NAT10: variants seen among roughly 807,000 people sequenced by gnomAD.
NAT10 encodes the protein RNA cytidine acetyltransferase.
In NAT10, 109 loss-of-function variants were observed where a neutral mutation model predicts 132.2. The ratio of observed to expected loss-of-function variants is 0.82; its 90% CI spans 0.71 to 0.97. The LOEUF (loss-of-function observed/expected upper bound fraction) is 0.97, where lower values mean the gene tolerates loss of function less well. NAT10 is among the 50% of genes least tolerant of loss of function. The pLI, the probability that NAT10 is intolerant of heterozygous loss-of-function variation, is 0.00. For missense variants in NAT10, 1,184 were observed against 1,263.4 expected, an observed-to-expected ratio of 0.94 and a Z score of 0.95; for synonymous variants, 479 against 478.0, an observed-to-expected ratio of 1.00 and a Z score of -0.03.
intron 18 of NAT10, 57 bp from the exon 19 acceptor site, chr11:34,135,118 C>T (rs1228090996): frequency 7.1e-7 from 1 of 1,417,142 alleles, no homozygotes; most frequent in Non-Finnish European, 9.9e-7. Context: ...GTCACTGTGG[C>T]TTAGACTGAG....
rs745936858 is a variant in NAT10, at chr11:34,132,258, G to C, written c.1617+37G>C. 6 of 1,526,102 alleles carry C rather than the reference G, an allele frequency of 3.9e-6. No homozygotes were observed. In the African/African-American group the frequency reaches 8.2e-5, roughly 21 times the overall value. 94.5% of individuals were successfully genotyped at this position (1,526,102 alleles called of 1,614,324 possible). On this transcript the variant is annotated intron_variant, in intron 15 of 28. Coordinates refer to ENST00000257829, the MANE Select transcript of NAT10 (RefSeq NM_024662.3). ...TAGCCCTTGTGTGAATGGTAGCAGGGAGCTTCAGCATTTGGCAGTCCCCTT... is the reference window on the plus strand; with the variant it reads ...TAGCCCTTGTGTGAATGGTAGCAGGCAGCTTCAGCATTTGGCAGTCCCCTT...
Position 34,113,770 on chromosome 11 carries a change from G to T in NAT10, c.427G>T (p.Gly143Cys), listed in dbSNP as rs1851739198. Reference sequence around the variant, plus strand: ...GGCCAGGACTGTAGAAACAGTGGAAGGTGGTGGGCTAGTGGTCATCCTCCT... The same window carrying T: ...GGCCAGGACTGTAGAAACAGTGGAATGTGGTGGGCTAGTGGTCATCCTCCT... ...LLARTVETVE[G>C]GGLVVILLRT... The change falls in exon 5 of 29, where the codon GGT becomes TGT. Residue 143 changes from glycine (G) to cysteine (C), a missense_variant. Transcript: ENST00000257829. 1 of 1,614,148 alleles carries T rather than the reference G, an allele frequency of 6.2e-7. No homozygotes were observed.
At chr11:34,112,927 G>A (rs994790204) in intron 4 of NAT10, among the ~76,000 whole-genome samples, 1 of 152,158 alleles carries the variant, frequency 6.6e-6, no homozygotes, top group Non-Finnish European at 1.5e-5. Flanking sequence ...ACATTTTTGT[G>A]TGTTTATCAT....
Position 34,118,421 on chromosome 11 carries a change from T to A in NAT10, c.698T>A (p.Leu233Gln). Reference protein sequence around the residue: ...TPDESLGPSDLELRELKESLQ... With the variant: ...TPDESLGPSDQELRELKESLQ... ...GATGAGAGTCTTGGTCCTTCTGATC[T>A]GGAGCTGAGGGAGTTGAAGGAGAGC... is the stretch of plus-strand genomic sequence containing the variant. The change falls in exon 8 of 29, where the codon CTG (leucine) becomes CAG (glutamine). Residue 233 changes from leucine to glutamine, a missense_variant. Transcript: ENST00000257829. The A allele has an allele frequency of 6.2e-7, 1 of 1,614,150 alleles. No homozygotes were observed. The highest frequency in any genetic ancestry group is 8.5e-7 in the Non-Finnish European group (1 of 1,180,018).
chr11:34,142,428 T>C, intron 27 of NAT10, 80 bp downstream of exon 27: 1 of 1,237,058 alleles, frequency 8.1e-7, no homozygotes, highest in Non-Finnish European at 1.2e-6. Context: ...TCTAATCATA[T>C]CCCACGTGCC....
At chr11:34,144,931 T>G (rs550711494) in intron 28 of NAT10, among the ~76,000 whole-genome samples, 1 of 152,372 alleles carries the variant, frequency 6.6e-6, no homozygotes, top group Admixed American at 6.5e-5. Context: ...AATCAGGTAC[T>G]GTCTTCCAGA....
intron 1 of NAT10, among the ~76,000 whole-genome samples, chr11:34,107,472 CAAAAT>C (rs1424437250): frequency 6.6e-6 from 1 of 152,182 alleles, no homozygotes; most frequent in Non-Finnish European, 1.5e-5. Context: ...AACAAAAGAA[CAAAAT>C]AAAAGTCCCA....
intron 23 of NAT10, 116 bp downstream of exon 23, chr11:34,139,611 G>C: frequency 1.2e-6 from 1 of 863,954 alleles, no homozygotes; most frequent in Non-Finnish European, 1.9e-6. Context: ...CTAGCCTGCA[G>C]TCACTCGCTG....
At chr11:34,141,459 C>T (rs904428646) in intron 25 of NAT10, among the ~76,000 whole-genome samples, 13 of 151,534 alleles carry the variant, frequency 8.6e-5, no homozygotes, top group African/African-American at 1.7e-4. Context: ...CACGTGCGCG[C>T]GCAAATACAG....
At chr11:34,107,709 C>T (rs766444710) in intron 1 of NAT10, among the ~76,000 whole-genome samples, 4 of 152,134 alleles carry the variant, frequency 2.6e-5, no homozygotes, top group Non-Finnish European at 4.4e-5. Context: ...GGGCAGATTG[C>T]GAGGTCAAGA....
At chr11:34,133,586 A>G (rs1852147500) in intron 16 of NAT10, among the ~76,000 whole-genome samples, 1 of 152,142 alleles carries the variant, frequency 6.6e-6, no homozygotes, top group South Asian at 2.1e-4. Flanking sequence ...TGTATAAAAC[A>G]CTCATAATCT....
At position 34,140,443 on chromosome 11, in the gene NAT10, C is replaced by A; in HGVS notation, c.2463C>A (p.Asp821Glu). The change falls in exon 24 of 29, where the codon GAC becomes GAA. Residue 821 changes from aspartate (D) to glutamate (E), a missense_variant. Asp to Glu is a conservative substitution (Grantham distance 45, BLOSUM62 2). Transcript: ENST00000257829. ...TGGAAGCACTCTTCCTCCCCTATGA[C>A]CTGAAGCGGCTGGAGATGTATTCAC... is the stretch of plus-strand genomic sequence containing the variant. The part of the protein sequence containing the change: ...EELEALFLPY[D>E]LKRLEMYSRN... 1 of 1,614,208 alleles carries A rather than the reference C, an allele frequency of 6.2e-7. No individual in the cohort carries two copies. The highest frequency in any genetic ancestry group is 1.6e-4 in the Middle Eastern group (1 of 6,062).
At chr11:34,129,661 G>A (rs1361216849) in intron 12 of NAT10, among the ~76,000 whole-genome samples, 2 of 128,108 alleles carry the variant, frequency 1.6e-5, no homozygotes, top group Non-Finnish European at 3.1e-5. Flanking sequence ...AGGCTGGAGT[G>A]CAGTGGTGTA....
At chr11:34,109,165 CCTT>C (rs1851649994) in intron 3 of NAT10, among the ~76,000 whole-genome samples, 1 of 152,072 alleles carries the variant, frequency 6.6e-6, no homozygotes, top group South Asian at 2.1e-4. Flanking sequence ...CTTTTTCTCC[CCTT>C]CTTTCATGGA....
chr11:34,112,310 A>G (rs1851710235), intron 4 of NAT10, 87 bp downstream of exon 4: 5 of 1,493,168 alleles, frequency 3.3e-6, no homozygotes, highest in African/African-American at 1.4e-5. Context: ...ACAGATGTAC[A>G]GTAAGGAGAG....
chr11:34,123,923 A>T (rs1398571922), intron 10 of NAT10, 68 bp downstream of exon 10: 2 of 1,295,742 alleles, frequency 1.5e-6, no homozygotes, highest in Non-Finnish European at 2.2e-6. Flanking sequence ...TAATCCCAGC[A>T]CTTTGGGAGG....
At chr11:34,137,846 G>A (rs1007566189) in intron 21 of NAT10, among the ~76,000 whole-genome samples, 2 of 152,190 alleles carry the variant, frequency 1.3e-5, no homozygotes, top group Admixed American at 1.3e-4. Flanking sequence ...AGGTGAAAAA[G>A]TGGGAATGGG....
At chr11:34,129,602 T>A (rs557242071) in intron 12 of NAT10, among the ~76,000 whole-genome samples, 1 of 122,830 alleles carries the variant, frequency 8.1e-6, no homozygotes, top group African/African-American at 3.4e-5. Context: ...TCTTCTTCTT[T>A]TTTTTTTTTT....
intron 22 of NAT10, 22 bp downstream of exon 22, chr11:34,139,309 G>T (rs150526502): frequency 6.2e-7 from 1 of 1,613,528 alleles, no homozygotes; most frequent in Admixed American, 1.7e-5. Context: ...GTAGGGGTTT[G>T]GGGGAGACAA....
Sources: gnomAD v4.1 joint callset for allele counts (sites outside exome capture counted in the v4.1 genomes callset) on GRCh38, gnomAD v4.1.1 for gene constraint, MANE v1.5 for transcripts, NCBI Gene and HGNC (gene_info 2026-07-23, HGNC 2026-07-21) for gene names.